VWA8: variants seen among roughly 807,000 people sequenced by gnomAD.
The protein encoded by VWA8 is von Willebrand factor A domain containing 8.
A neutral mutation model predicts 241.5 loss-of-function variants in VWA8; 221 were observed. The ratio of observed to expected loss-of-function variants is 0.91; its 90% CI spans 0.82 to 1.02. The LOEUF is 1.02. VWA8 is among the 50% of genes least tolerant of loss of function. The probability of loss-of-function intolerance (pLI) is 0.00; values close to 1 mark genes in which losing one functional copy is unlikely to be tolerated. For synonymous variants in VWA8, 852 were observed against 827.1 expected (o/e 1.03, Z -0.52); for missense variants, 2,322 against 2,328.7 (o/e 1.00, Z 0.06).
chr13:41,779,869 T>G (rs1868805656), intron 19 of VWA8, among the ~76,000 whole-genome samples: 2 of 152,214 alleles, frequency 1.3e-5, no homozygotes, highest in Admixed American at 1.3e-4. Flanking sequence ...TCATTATATC[T>G]AACTAGATTA....
chr13:41,743,495 T>C (rs2045583199), intron 21 of VWA8, among the ~76,000 whole-genome samples: 1 of 152,222 alleles, frequency 6.6e-6, no homozygotes, highest in African/African-American at 2.4e-5. Context: ...TTACTTCGCT[T>C]ACAGATCAAA....
At chr13:41,846,592 C>T (rs1230773483) in intron 12 of VWA8, among the ~76,000 whole-genome samples, 2 of 152,104 alleles carry the variant, frequency 1.3e-5, no homozygotes, top group Non-Finnish European at 2.9e-5. Flanking sequence ...AGTCTCAGTT[C>T]ACAATTCAGG....
At position 41,784,747 on chromosome 13, in the gene VWA8, T is replaced by C. The variant is rs1433987535; in HGVS notation, c.2171-846A>G. Among the ~76,000 whole-genome samples, 211 of 103,488 alleles carry C rather than the reference T, an allele frequency of 2.0e-3. 2 individuals carry two copies. Among genetic ancestry groups the C allele is most frequent in the African/African-American group, 6.6e-3 (202 of 30,450 alleles). 67.9% of individuals were successfully genotyped at this position (103,488 alleles called of 152,430 possible). On this transcript the variant is annotated intron_variant, in intron 18 of 44. Transcript: ENST00000379310. ...ATATATATACACACACATATATATA[T>C]ATATATATATATATACACACACACA... is the stretch of plus-strand genomic sequence containing the variant.
At chr13:41,631,666 TGAA>T (rs34186859) in intron 37 of VWA8, among the ~76,000 whole-genome samples, 4,939 of 152,276 alleles carry the variant, frequency 0.032, 91 homozygotes, top group South Asian at 0.078. Flanking sequence ...GAATGAAAGA[TGAA>T]GAAGATTTTT....
chr13:41,724,670 T>C (rs1016617030), intron 24 of VWA8, among the ~76,000 whole-genome samples: 8 of 152,038 alleles, frequency 5.3e-5, no homozygotes, highest in Non-Finnish European at 1.2e-4. Flanking sequence ...CAGGAGAAAA[T>C]AACAGAAATC....
At chr13:41,850,066 T>C (rs1187131444) in intron 12 of VWA8, among the ~76,000 whole-genome samples, 2 of 152,246 alleles carry the variant, frequency 1.3e-5, no homozygotes, top group East Asian at 3.9e-4. Flanking sequence ...TCACCGATCA[T>C]CAAGAATAGT....
At chr13:41,758,369 CATATATATATATATATATATATACGCTA>C (rs1217130741) in intron 21 of VWA8, among the ~76,000 whole-genome samples, 1 of 72,988 alleles carries the variant, frequency 1.4e-5, no homozygotes, top group African/African-American at 5.5e-5. Flanking sequence ...TAGATACTAG[CATATATATATATATATATATATACGCTA>C]GTATATATAT....
intron 44 of VWA8, among the ~76,000 whole-genome samples, chr13:41,570,265 A>T (rs534358667): frequency 1.3e-5 from 2 of 152,308 alleles, no homozygotes; most frequent in South Asian, 4.1e-4. Context: ...TAATTAATTT[A>T]AAATTATTAT....
intron 9 of VWA8, among the ~76,000 whole-genome samples, chr13:41,882,874 C>A (rs1434922337): frequency 6.6e-6 from 1 of 151,424 alleles, no homozygotes; most frequent in Non-Finnish European, 1.5e-5. Context: ...AATATGAGAA[C>A]ATCATAGTTT....
At position 41,690,232 on chromosome 13, in the gene VWA8, T is replaced by C. The variant is rs2045166669; in HGVS notation, c.3910A>G (p.Ser1304Gly). 6.2e-7 allele frequency: 1 copy of C among 1,612,680 alleles called. No individual in the cohort carries two copies. Among genetic ancestry groups the C allele is most frequent in the South Asian group, 1.1e-5 (1 of 91,050 alleles). Reference protein sequence around the residue: ...TKPAHIESEGSGVCQLYVLKE... With the variant: ...TKPAHIESEGGGVCQLYVLKE... ...AGCACATACAACTGGCAAACCCCAC[T>C]ACCCTCAGATTCGATGTGTGCAGGC... Residue 1304 changes from serine to glycine, a missense_variant, in exon 33 of 45, where the codon AGT (serine) becomes GGT (glycine). Transcript: ENST00000379310.
At chr13:41,718,185 A>T (rs1337715356) in intron 26 of VWA8, among the ~76,000 whole-genome samples, 1 of 152,038 alleles carries the variant, frequency 6.6e-6, no homozygotes, top group Non-Finnish European at 1.5e-5. Context: ...CCAGTACTCT[A>T]ATTATATAAA....
intron 16 of VWA8, 85 bp from the exon 17 acceptor site, chr13:41,811,425 T>C: frequency 9.2e-7 from 1 of 1,092,462 alleles, no homozygotes; most frequent in Non-Finnish European, 1.3e-6. Context: ...CAGAATTCAT[T>C]ATTACTGAAG....
At chr13:41,722,377 A>T (rs1163972677) in intron 24 of VWA8, among the ~76,000 whole-genome samples, 1 of 152,164 alleles carries the variant, frequency 6.6e-6, no homozygotes, top group African/African-American at 2.4e-5. Context: ...AAGTAAATAG[A>T]CTTACATTAT....
chr13:41,643,258 G>A (rs1403489502), intron 37 of VWA8, among the ~76,000 whole-genome samples: 2 of 152,152 alleles, frequency 1.3e-5, no homozygotes, highest in East Asian at 3.9e-4. Context: ...CCTACTGCAT[G>A]AACCTATATT....
chr13:41,675,231 A>G lies in VWA8; in HGVS notation c.4393T>C (p.Tyr1465His). ...VTDLQSKKLR[Y>H]IPIPRSESLS... is the part of the protein sequence containing the mutation. Reference sequence around the variant, plus strand: ...ATGGATTACCTGGGAATAGGGATATATCGGAGTTTCTTTGATTGAAGATCA... The same window carrying G: ...ATGGATTACCTGGGAATAGGGATATGTCGGAGTTTCTTTGATTGAAGATCA... Residue 1465 changes from tyrosine (Y) to histidine (H), a missense_variant, in exon 36 of 45, where the codon TAT (tyrosine) becomes CAT (histidine). By Grantham distance (83) the Tyr-to-His change is moderately conservative (BLOSUM62 2). Coordinates refer to ENST00000379310, the MANE Select transcript of VWA8 (RefSeq NM_015058.2). The G allele has an allele frequency of 6.2e-7, 1 of 1,612,106 alleles. No individual in the cohort carries two copies. The highest frequency in any genetic ancestry group is 8.5e-7 in the Non-Finnish European group (1 of 1,178,516).
intron 14 of VWA8, among the ~76,000 whole-genome samples, chr13:41,827,626 A>T (rs1871236372): frequency 6.6e-6 from 1 of 152,226 alleles, no homozygotes; most frequent in South Asian, 2.1e-4. Context: ...TTAAAAAGTA[A>T]GTGAAGGAAA....
chr13:41,939,900 T>C (rs1027970784), intron 2 of VWA8, among the ~76,000 whole-genome samples: 6 of 152,184 alleles, frequency 3.9e-5, no homozygotes, highest in African/African-American at 1.2e-4. Context: ...AACAATAAAT[T>C]TGATAAAGAT....
intron 15 of VWA8, among the ~76,000 whole-genome samples, chr13:41,817,656 T>C (rs548122888): frequency 1.1e-3 from 162 of 152,344 alleles, no homozygotes; most frequent in African/African-American, 3.6e-3. Flanking sequence ...GAGGAAACTA[T>C]GACTGAGTAA....
chr13:41,778,249 A>C (rs1350563836), intron 19 of VWA8, among the ~76,000 whole-genome samples, 193 bp from the exon 20 acceptor site: 3 of 152,150 alleles, frequency 2.0e-5, no homozygotes, highest in African/African-American at 7.2e-5. Flanking sequence ...GATACTGAAA[A>C]CTTGAAATAG....
Sources: gnomAD v4.1 joint callset for allele counts (sites outside exome capture counted in the v4.1 genomes callset) on GRCh38, gnomAD v4.1.1 for gene constraint, MANE v1.5 for transcripts, NCBI Gene and HGNC (gene_info 2026-07-23, HGNC 2026-07-21) for gene names.